Variants in EVC2 observed in about 807,000 individuals in gnomAD.
The protein encoded by EVC2 is EvC ciliary complex subunit 2.
EVC2 carries 148 observed loss-of-function variants against 149.3 expected under a neutral mutation model. The observed-to-expected ratio is 0.99, with a 90% CI of 0.87 to 1.14. The LOEUF (loss-of-function observed/expected upper bound fraction) is 1.14. Ranked by LOEUF, EVC2 falls within the 50% of genes most tolerant of loss-of-function variation. EVC2 has a pLI of 0.00. For missense variants in EVC2, 1,854 were observed against 1,627.3 expected (o/e 1.14, Z -2.40); for synonymous variants, 776 against 649.9 (o/e 1.19, Z -2.95).
At chr4:5,667,367 TTAC>T (rs1280231159) in intron 7 of EVC2, among the ~76,000 whole-genome samples, 84 of 151,954 alleles carry the variant, frequency 5.5e-4, no homozygotes, top group African/African-American at 1.7e-3. Context: ...ATTATTATTA[TTAC>T]TACTATTATG....
At chr4:5,650,624 TATATATATATATATAGAG>T (rs1291603710) in intron 9 of EVC2, among the ~76,000 whole-genome samples, 22 of 84,660 alleles carry the variant, frequency 2.6e-4, no homozygotes, top group African/African-American at 5.9e-4. Context: ...TATATATATA[TATATATATATATATAGAG>T]AGAGAGAGAG....
rs1474651648 is a variant in EVC2 at position 5,670,135 on chromosome 4, A to T, written c.871-4486T>A. ...AAAGAAGAGTAAGATCTCAATATGT[A>T]ATTTTATGAGAAGAAGGAGGCTCCA... On this transcript the variant is annotated intron_variant, in intron 7 of 21. Coordinates refer to ENST00000344408, the MANE Select transcript of EVC2 (RefSeq NM_147127.5). The surrounding 1 kb of genome is among the most constrained non-coding windows in gnomAD (Gnocchi z 5.2). Among the ~76,000 whole-genome samples the T allele has an allele frequency of 6.6e-6, 1 of 152,216 alleles. No individual in the cohort carries two copies. The highest frequency in any genetic ancestry group is 2.1e-4 in the South Asian group (1 of 4,828).
intron 9 of EVC2, among the ~76,000 whole-genome samples, chr4:5,651,979 C>T (rs1245265034): frequency 6.6e-6 from 1 of 152,242 alleles, no homozygotes; most frequent in Non-Finnish European, 1.5e-5. Flanking sequence ...CCAGGCTAAA[C>T]AGCCTTAGGC....
chr4:5,584,862 C>A lies in EVC2; in HGVS notation c.2830-12G>T, dbSNP rs1209725285. 6.2e-7 allele frequency: 1 copy of A among 1,614,036 alleles called. No homozygotes were observed. The highest frequency in any genetic ancestry group is 1.1e-5 in the South Asian group (1 of 91,060). ...AATTCACCTCGAACCTGGGAGGGGA[C>A]AGGGATGGACCCAAACCCAGAGAGC... On this transcript the variant is annotated splice_polypyrimidine_tract_variant and intron_variant, in intron 16 of 21. Coordinates refer to ENST00000344408, the MANE Select transcript of EVC2 (RefSeq NM_147127.5).
At position 5,694,372 on chromosome 4, in the gene EVC2, T is replaced by C; in HGVS notation, c.413A>G (p.Asn138Ser). The C allele has an allele frequency of 6.2e-7, 1 of 1,614,170 alleles. No individual in the cohort carries two copies. The highest frequency in any genetic ancestry group is 1.1e-5 in the South Asian group (1 of 91,082). The part of the protein sequence containing the change: ...FAFIPSWPKK[N>S]LFKRESPITH... Reference sequence around the variant, plus strand: ...TATAGGAGACTCTCTTTTAAATAAGTTCTTCTTAGGCCAGGAGGGTATAAA... The same window carrying C: ...TATAGGAGACTCTCTTTTAAATAAGCTCTTCTTAGGCCAGGAGGGTATAAA... The change falls in exon 3 of 22, where the codon AAC (asparagine) becomes AGC (serine). Residue 138 changes from asparagine (N) to serine (S), a missense_variant. Asn to Ser is a conservative substitution (Grantham distance 46). Transcript: ENST00000344408.
intron 7 of EVC2, among the ~76,000 whole-genome samples, chr4:5,673,034 C>T (rs529572527): frequency 9.2e-5 from 14 of 152,238 alleles, no homozygotes; most frequent in South Asian, 2.1e-4. Context: ...AGTTTCCTTT[C>T]GGAGTGGGGA....
At chr4:5,697,297 A>T (rs892707902) in intron 2 of EVC2, among the ~76,000 whole-genome samples, 4 of 152,256 alleles carry the variant, frequency 2.6e-5, no homozygotes, top group Non-Finnish European at 4.4e-5. Context: ...GGGAAGCCAC[A>T]GGAAACTGAT....
chr4:5,611,868 G>T (rs550524811), intron 16 of EVC2, among the ~76,000 whole-genome samples: 1 of 152,186 alleles, frequency 6.6e-6, no homozygotes, highest in African/African-American at 2.4e-5. Context: ...TGTAACCTAA[G>T]CGGCTGAACT....
Position 5,631,984 on chromosome 4 carries a change from G to A in EVC2, c.1519C>T (p.Gln507Ter). ...NLLRTLHGLEQEHLRKSLALQ... is the reference protein window; with the variant it reads ...NLLRTLHGLE ...GCGAGAGACTTCCTCAAGTGCTCCT[G>A]TTCCAGGCCATGGAGGGTCCGCAGA... is the stretch of plus-strand genomic sequence containing the variant. The change falls in exon 11 of 22, where the codon CAG becomes TAG. Residue 507 changes from glutamine (Q) to a stop codon, truncating the protein, a stop_gained. Transcript: ENST00000344408. LOFTEE classifies it high-confidence loss of function. 1 of 1,614,242 alleles carries A rather than the reference G, an allele frequency of 6.2e-7. No individual in the cohort carries two copies. Among genetic ancestry groups the A allele is most frequent in the Non-Finnish European group, 8.5e-7 (1 of 1,180,048 alleles).
At chr4:5,702,206 C>A (rs1336064228) in intron 1 of EVC2, among the ~76,000 whole-genome samples, 1 of 152,270 alleles carries the variant, frequency 6.6e-6, no homozygotes, top group Non-Finnish European at 1.5e-5. Flanking sequence ...CCTTACAGCA[C>A]CTTCCCTGCC....
At chr4:5,673,920 G>A (rs7683479) in intron 7 of EVC2, among the ~76,000 whole-genome samples, 1,643 of 152,280 alleles carry the variant, frequency 0.011, 39 homozygotes, top group African/African-American at 0.036. Context: ...TCTGCACGTG[G>A]AGGGTGGTGG....
chr4:5,675,923 A>G (rs1209620093), intron 7 of EVC2, among the ~76,000 whole-genome samples: 1 of 152,226 alleles, frequency 6.6e-6, no homozygotes, highest in Non-Finnish European at 1.5e-5. Flanking sequence ...CAGCCTGGGC[A>G]ACAAGAGCAA....
chr4:5,689,402 T>C (rs1431756860), intron 4 of EVC2, 59 bp from the exon 5 acceptor site: 4 of 1,580,904 alleles, frequency 2.5e-6, no homozygotes, highest in African/African-American at 1.3e-5. Context: ...CTTCCTAAAA[T>C]GGGGCATGAG....
intron 17 of EVC2, among the ~76,000 whole-genome samples, chr4:5,583,061 T>C (rs1490349459): frequency 6.6e-6 from 1 of 152,306 alleles, no homozygotes; most frequent in Non-Finnish European, 1.5e-5. Context: ...GTATTTCTTA[T>C]AGCAATGCAA....
intron 10 of EVC2, among the ~76,000 whole-genome samples, chr4:5,634,066 G>T (rs370703031): frequency 6.6e-6 from 1 of 152,240 alleles, no homozygotes; most frequent in East Asian, 1.9e-4. Context: ...AAGCCTAGTG[G>T]ATGACAGCAG....
intron 5 of EVC2, 67 bp from the exon 6 acceptor site, chr4:5,685,546 A>T: frequency 7.6e-7 from 1 of 1,307,490 alleles, no homozygotes; most frequent in Non-Finnish European, 1.1e-6. Flanking sequence ...ACCCCACCAC[A>T]CCCCAGACAC....
chr4:5,598,290 G>C (rs1277439628), intron 16 of EVC2, among the ~76,000 whole-genome samples: 1 of 151,886 alleles, frequency 6.6e-6, no homozygotes, highest in Non-Finnish European at 1.5e-5. Context: ...AACAAAGCTG[G>C]AGGCATCATG....
downstream of EVC2, among the ~76,000 whole-genome samples, chr4:5,540,419 C>A (rs1285587297): frequency 6.6e-6 from 1 of 152,186 alleles, no homozygotes; most frequent in Non-Finnish European, 1.5e-5. Context: ...GCAACCTAGA[C>A]CGACCCAGAT....
intron 10 of EVC2, among the ~76,000 whole-genome samples, chr4:5,632,598 C>T (rs1716628638): frequency 6.6e-6 from 1 of 152,202 alleles, no homozygotes. Flanking sequence ...TTTCTCCTAT[C>T]TTTCATTCTC....
Sources: allele counts gnomAD v4.1 joint callset (sites outside exome capture counted in the v4.1 genomes callset), GRCh38; gene constraint gnomAD v4.1.1; non-coding constraint Gnocchi (gnomAD v3.1); transcripts MANE v1.5; gene names NCBI Gene and HGNC (gene_info 2026-07-23, HGNC 2026-07-21).